The following EPB41L2 variants were observed in gnomAD, a reference collection of about 807,000 sequenced individuals.
EPB41L2 encodes band 4.1-like protein 2.
In EPB41L2, 43 loss-of-function variants were observed where a neutral mutation model predicts 113.0. That is an observed-to-expected ratio of 0.38 (90% CI 0.30 to 0.49). EPB41L2 has a LOEUF of 0.49. Ranked by LOEUF, EPB41L2 falls within the 20% of genes least tolerant of loss-of-function variation. EPB41L2 has a pLI of 0.95. For missense variants in EPB41L2, 1,147 were observed against 1,223.4 expected (o/e 0.94, Z 0.93); for synonymous variants, 442 against 436.7 (o/e 1.01, Z -0.15).
intron 1 of EPB41L2, among the ~76,000 whole-genome samples, chr6:131,028,060 T>G (rs960022016): frequency 6.6e-6 from 1 of 152,204 alleles, no homozygotes; most frequent in Non-Finnish European, 1.5e-5. Context: ...TTAGCAGTTA[T>G]AATACATGAA....
intron 18 of EPB41L2, among the ~76,000 whole-genome samples, chr6:130,862,294 TGG>T (rs890324503): frequency 7.2e-6 from 1 of 139,492 alleles, no homozygotes; most frequent in Non-Finnish European, 1.5e-5. Context: ...CTAGGTTCAA[TGG>T]GGAGAGGGGG....
rs1256092511 is a variant in EPB41L2, at chr6:130,839,922, C to A, written c.*682G>T. 1 of 152,194 alleles carries A rather than the reference C, an allele frequency of 6.6e-6. No individual in the cohort carries two copies. Among genetic ancestry groups the A allele is most frequent in the Non-Finnish European group, 1.5e-5 (1 of 68,034 alleles). 9.4% of individuals were successfully genotyped at this position (152,194 alleles called of 1,614,324 possible). ...ACAGTGCACAGTCAGTGAACTTCTT[C>A]ATTATTCTCCAGTCCAGAGATTCTG... On this transcript the variant is annotated 3_prime_UTR_variant, in exon 20 of 20. Coordinates refer to ENST00000337057, the MANE Select transcript of EPB41L2 (RefSeq NM_001431.4).
chr6:130,903,831 C>T (rs530353980), intron 6 of EPB41L2, among the ~76,000 whole-genome samples: 1 of 152,180 alleles, frequency 6.6e-6, no homozygotes, highest in South Asian at 2.1e-4. Context: ...TTTCAAGGTA[C>T]TTGTTGATTC....
At chr6:131,023,527 A>T (rs1238657450) in intron 1 of EPB41L2, among the ~76,000 whole-genome samples, 1 of 152,076 alleles carries the variant, frequency 6.6e-6, no homozygotes, top group East Asian at 1.9e-4. Context: ...TACTAAAAAT[A>T]CAAAAATTAG....
At chr6:131,045,370 A>ATATTAATATTTAATATTT (rs1562792621) in intron 1 of EPB41L2, among the ~76,000 whole-genome samples, 1 of 151,846 alleles carries the variant, frequency 6.6e-6, no homozygotes, top group Non-Finnish European at 1.5e-5. Flanking sequence ...TATTCATTTA[A>ATATTAATATTTAATATTT]AAATGATGAG....
chr6:131,020,872 C>A, intron 1 of EPB41L2, among the ~76,000 whole-genome samples: 1 of 152,218 alleles, frequency 6.6e-6, no homozygotes, highest in Non-Finnish European at 1.5e-5. Context: ...TTACTAAAGC[C>A]TTGAATTCCT....
rs183165784 is a variant in EPB41L2, at chr6:130,870,924, G to A, written c.2044-798C>T. On this transcript the variant is annotated intron_variant, in intron 14 of 19. Transcript: ENST00000337057. ...GAAATGGTTATTAACTTTCCAATTC[G>A]TATCATAGGTTGGCAAAGGCTATAT... 8.0e-4 allele frequency among the ~76,000 whole-genome samples: 121 copies of A among 151,976 alleles called. 2 individuals are homozygous for A. Among genetic ancestry groups the A allele is most frequent in the African/African-American group, 2.3e-3 (96 of 41,442 alleles).
intron 5 of EPB41L2, among the ~76,000 whole-genome samples, chr6:130,906,893 G>A (rs1797897731): frequency 1.3e-5 from 2 of 152,018 alleles, no homozygotes. Context: ...TTAAAGAACT[G>A]GTTCCAACAG....
chr6:130,848,211 A>T (rs906779042), intron 19 of EPB41L2, among the ~76,000 whole-genome samples: 50 of 132,570 alleles, frequency 3.8e-4, no homozygotes, highest in Middle Eastern at 3.6e-3. Context: ...ACACACACAC[A>T]CACACACACA....
chr6:130,890,596 T>G (rs1792525657), intron 10 of EPB41L2, 130 bp from the exon 11 acceptor site: 1 of 1,069,478 alleles, frequency 9.4e-7, no homozygotes, highest in African/African-American at 1.6e-5. Flanking sequence ...ACTCAAAAAC[T>G]AAACTTTCTA....
intron 10 of EPB41L2, among the ~76,000 whole-genome samples, chr6:130,891,840 A>T (rs1043574295): frequency 3.3e-5 from 5 of 152,132 alleles, no homozygotes; most frequent in Non-Finnish European, 7.3e-5. Context: ...TAATGGCTTC[A>T]ATCTGCAAGC....
chr6:130,880,929 A>T (rs1789115195), intron 12 of EPB41L2: 2 of 157,760 alleles, frequency 1.3e-5, no homozygotes, highest in Admixed American at 1.3e-4. Context: ...TCAGTTTGTT[A>T]AATATGGATT....
chr6:131,032,043 G>C (rs907063813), intron 1 of EPB41L2, among the ~76,000 whole-genome samples: 3 of 152,060 alleles, frequency 2.0e-5, no homozygotes, highest in Non-Finnish European at 1.5e-5. Context: ...AAACACATTT[G>C]AAGAGAAAAC....
intron 11 of EPB41L2, among the ~76,000 whole-genome samples, chr6:130,886,621 TTTGTTG>T (rs57191069): frequency 5.9e-5 from 8 of 136,248 alleles, no homozygotes; most frequent in Admixed American, 2.3e-4. Context: ...TCCAGCGGTT[TTTGTTG>T]TTGTTGTTGT....
rs992357633 is a variant in EPB41L2 at position 131,035,597 on chromosome 6, A to C, written c.-15+27558T>G. Among the ~76,000 whole-genome samples the C allele has an allele frequency of 5.3e-5, 8 of 152,352 alleles. 1 individual carries two copies. In the South Asian group the frequency reaches 1.7e-3, roughly 32 times the overall value. ...GACATTTAGTGACCTATTTATTGTT[A>C]TCCAGAGCCTTACATTTCAAACTTT... On this transcript the variant is annotated intron_variant, in intron 1 of 19. Coordinates refer to ENST00000337057, the MANE Select transcript of EPB41L2 (RefSeq NM_001431.4).
At chr6:130,935,995 G>T (rs60059704) in intron 3 of EPB41L2, among the ~76,000 whole-genome samples, 3,691 of 152,268 alleles carry the variant, frequency 0.024, 141 homozygotes, top group African/African-American at 0.084. Flanking sequence ...AACCATATTT[G>T]ATGACATGTA....
chr6:130,856,783 T>C (rs1178017015), intron 19 of EPB41L2, among the ~76,000 whole-genome samples: 1 of 152,188 alleles, frequency 6.6e-6, no homozygotes, highest in Non-Finnish European at 1.5e-5. Context: ...AAAGCCCTAA[T>C]AGATAATTAT....
chr6:131,056,102 C>G (rs145221470), intron 1 of EPB41L2, among the ~76,000 whole-genome samples: 1 of 152,294 alleles, frequency 6.6e-6, no homozygotes, highest in East Asian at 1.9e-4. Context: ...AACCTGATTT[C>G]TTAATGTTGG....
chr6:130,936,869 C>T (rs1031041793), intron 3 of EPB41L2, among the ~76,000 whole-genome samples: 3 of 152,198 alleles, frequency 2.0e-5, no homozygotes, highest in African/African-American at 7.2e-5. Flanking sequence ...TAACGTGAGG[C>T]CTCTCAAAGC....
Sources: allele counts gnomAD v4.1 joint callset (sites outside exome capture counted in the v4.1 genomes callset), GRCh38; gene constraint gnomAD v4.1.1; transcripts MANE v1.5; gene names NCBI Gene and HGNC (gene_info 2026-07-23, HGNC 2026-07-21).